The following PRELID2 variants were observed in gnomAD, a reference collection of about 807,000 sequenced individuals.
PRELID2 encodes the protein PRELI domain-containing protein 2.
PRELID2 carries 25 observed loss-of-function variants against 28.4 expected under a neutral mutation model. That is an observed-to-expected ratio of 0.88 (90% confidence interval 0.64 to 1.23). The LOEUF (loss-of-function observed/expected upper bound fraction) is 1.23. Ranked by LOEUF, PRELID2 falls within the 50% of genes most tolerant of loss-of-function variation. PRELID2 has a pLI of 0.00. For synonymous variants in PRELID2, 76 were observed against 71.6 expected, an observed-to-expected ratio of 1.06 and a Z score of -0.31; for missense variants, 201 against 214.4, an observed-to-expected ratio of 0.94 and a Z score of 0.39.
the PRELID2 span, among the ~76,000 whole-genome samples, chr5:145,378,283 A>C: frequency 6.6e-6 from 1 of 151,998 alleles, no homozygotes; most frequent in Non-Finnish European, 1.5e-5. Context: ...ATCTTTTTTG[A>C]AGTATCTTAC....
the PRELID2 span, among the ~76,000 whole-genome samples, chr5:145,275,185 G>A: frequency 2.0e-5 from 3 of 152,052 alleles, no homozygotes; most frequent in East Asian, 5.8e-4. Context: ...CCAAACACAG[G>A]ACAAAAATTA....
chr5:145,395,519 G>A, the PRELID2 span, among the ~76,000 whole-genome samples: 1 of 152,284 alleles, frequency 6.6e-6, no homozygotes, highest in South Asian at 2.1e-4. Context: ...CAAGCCGGGA[G>A]TAGTGCAAAG....
chr5:145,247,858 A>G, the PRELID2 span, among the ~76,000 whole-genome samples: 1 of 152,060 alleles, frequency 6.6e-6, no homozygotes, highest in Admixed American at 6.6e-5. Context: ...GTCACTCAGT[A>G]CGTTTTTATC....
chr5:145,439,289 C>T, the PRELID2 span, among the ~76,000 whole-genome samples: 3 of 151,978 alleles, frequency 2.0e-5, no homozygotes, highest in African/African-American at 4.8e-5. Context: ...CTTTAGGAAT[C>T]GGATGATTTG....
the PRELID2 span, among the ~76,000 whole-genome samples, chr5:145,363,802 G>C: frequency 2.0e-4 from 31 of 152,076 alleles, no homozygotes; most frequent in East Asian, 6.0e-3. Flanking sequence ...ATTCTGAAAG[G>C]AGTTATGTTT....
rs576380322 is a variant in PRELID2, at chr5:145,497,682, T to C, written n.71-24367A>G. ...GTTGCCTGTGCTCACTCAAGTAGTT[T>C]CGGAGATTTCCATGTTTCCAATCCC... On this transcript the variant is annotated intron_variant and non_coding_transcript_variant, in intron 1 of 2. Transcript: ENST00000510259. 2.0e-5 allele frequency among the ~76,000 whole-genome samples: 3 copies of C among 152,300 alleles called. No individual in the cohort carries two copies. In the South Asian group the frequency reaches 6.2e-4, roughly 32 times the overall value.
At chr5:145,560,726 A>C (rs1752918888) in intron 1 of PRELID2, among the ~76,000 whole-genome samples, 1 of 152,236 alleles carries the variant, frequency 6.6e-6, no homozygotes, top group Non-Finnish European at 1.5e-5. Context: ...GTTGTGAAAG[A>C]AAGACACTGC....
At chr5:145,525,937 G>T (rs965437568) in intron 1 of PRELID2, among the ~76,000 whole-genome samples, 2 of 152,050 alleles carry the variant, frequency 1.3e-5, no homozygotes, top group African/African-American at 2.4e-5. Flanking sequence ...TTTCTTTCTG[G>T]GTCTACTTCT....
At chr5:145,354,205 T>C in the PRELID2 span, among the ~76,000 whole-genome samples, 1 of 151,510 alleles carries the variant, frequency 6.6e-6, no homozygotes, top group East Asian at 1.9e-4. Flanking sequence ...TTCGACGACT[T>C]TCCTTGAGAA....
At chr5:145,367,185 A>G in the PRELID2 span, among the ~76,000 whole-genome samples, 3 of 151,886 alleles carry the variant, frequency 2.0e-5, no homozygotes, top group African/African-American at 7.2e-5. Context: ...TTGACTCCTC[A>G]GAAAAGCCTT....
chr5:145,299,644 C>CGTGTGTGTGTGT, the PRELID2 span, among the ~76,000 whole-genome samples: 2,337 of 109,390 alleles, frequency 0.021, 50 homozygotes, highest in African/African-American at 0.06. Context: ...TATGTGTGTG[C>CGTGTGTGTGTGT]GTGTGTGTGT....
chr5:145,333,450 C>T, the PRELID2 span, among the ~76,000 whole-genome samples: 1 of 152,208 alleles, frequency 6.6e-6, no homozygotes, highest in Non-Finnish European at 1.5e-5. Flanking sequence ...TGCTGCCTTT[C>T]TTTCAGAGAT....
chr5:145,428,276 C>T, the PRELID2 span, among the ~76,000 whole-genome samples: 2 of 152,136 alleles, frequency 1.3e-5, no homozygotes. Context: ...TCAATTTCTA[C>T]TTCTATTGGT....
chr5:145,273,335 G>A, the PRELID2 span, among the ~76,000 whole-genome samples: 4 of 152,022 alleles, frequency 2.6e-5, no homozygotes, highest in Non-Finnish European at 5.9e-5. Flanking sequence ...TGCTTTTCGG[G>A]TCTTAAGCAC....
the PRELID2 span, among the ~76,000 whole-genome samples, chr5:145,328,722 G>T: frequency 2.5e-4 from 38 of 151,914 alleles, no homozygotes; most frequent in African/African-American, 8.9e-4. Context: ...CCATTCTGTA[G>T]GTTGCCTGTT....
intron 1 of PRELID2, among the ~76,000 whole-genome samples, chr5:145,706,871 C>T (rs778080316): frequency 2.0e-5 from 3 of 152,144 alleles, no homozygotes; most frequent in African/African-American, 4.8e-5. Context: ...CTGGCAAAGC[C>T]GAGATTCAAT....
At position 145,587,245 on chromosome 5, in the gene PRELID2, A is replaced by G. The variant is rs183028553; in HGVS notation, n.71-113930T>C. Among the ~76,000 whole-genome samples the G allele has an allele frequency of 4.0e-3, 616 of 152,256 alleles. 4 individuals are homozygous for G. Among genetic ancestry groups the G allele is most frequent in the Admixed American group, 8.3e-3 (126 of 15,272 alleles). On this transcript the variant is annotated intron_variant and non_coding_transcript_variant, in intron 1 of 2. Transcript: ENST00000510259. ...TCCCAGATGCCATGGAGTTGGGAAAAAAGTGTGAAAAAGTATCCTATTTGG... is the reference window on the plus strand; with the variant it reads ...TCCCAGATGCCATGGAGTTGGGAAAGAAGTGTGAAAAAGTATCCTATTTGG...
At chr5:145,563,952 A>C (rs1193736082) in intron 1 of PRELID2, among the ~76,000 whole-genome samples, 2 of 152,248 alleles carry the variant, frequency 1.3e-5, no homozygotes, top group Admixed American at 1.3e-4. Context: ...AACTATAAGA[A>C]GAGATGGATA....
chr5:145,749,619 T>C (rs1171336385), intron 1 of PRELID2, among the ~76,000 whole-genome samples: 2 of 152,198 alleles, frequency 1.3e-5, no homozygotes, highest in Non-Finnish European at 1.5e-5. Flanking sequence ...ACTGGGTATA[T>C]ACCCTAAGGA....
Sources: gnomAD v4.1 joint callset for allele counts (sites outside exome capture counted in the v4.1 genomes callset) on GRCh38, gnomAD v4.1.1 for gene constraint, MANE v1.5 for transcripts, NCBI Gene and HGNC (gene_info 2026-07-23, HGNC 2026-07-21) for gene names.